Variants in DNM3 observed in about 807,000 individuals in gnomAD.
DNM3 encodes the protein dynamin 3.
A neutral mutation model predicts 101.6 loss-of-function variants in DNM3; 47 were observed. The ratio of observed to expected loss-of-function variants is 0.46; its 90% CI spans 0.37 to 0.59. The LOEUF (loss-of-function observed/expected upper bound fraction) is 0.59. DNM3 is among the 20% of genes least tolerant of loss of function. The pLI, the probability that DNM3 is intolerant of heterozygous loss-of-function variation, is 0.00. For synonymous variants in DNM3, 385 were observed against 387.9 expected, an observed-to-expected ratio of 0.99 and a Z score of 0.09; for missense variants, 849 against 1,085.7, an observed-to-expected ratio of 0.78 and a Z score of 3.06.
chr1:172,359,824 C>T (rs1201179981), intron 17 of DNM3, among the ~76,000 whole-genome samples: 1 of 151,920 alleles, frequency 6.6e-6, no homozygotes, highest in African/African-American at 2.4e-5. Context: ...TCCCTGAGCT[C>T]ATTTATTTGC....
At chr1:172,072,021 A>G (rs766127838) in intron 11 of DNM3, among the ~76,000 whole-genome samples, 9 of 152,052 alleles carry the variant, frequency 5.9e-5, no homozygotes, top group East Asian at 1.9e-4. Flanking sequence ...TTTTTTTCCT[A>G]TACTACAGTC....
intron 1 of DNM3, among the ~76,000 whole-genome samples, chr1:171,874,581 A>G (rs1424212120): frequency 6.6e-6 from 1 of 152,176 alleles, no homozygotes; most frequent in African/African-American, 2.4e-5. Flanking sequence ...AGTTCATTAC[A>G]TGGCAAATGC....
chr1:172,386,889 C>T (rs1185321081), intron 18 of DNM3: 1 of 449,272 alleles, frequency 2.2e-6, no homozygotes, highest in African/African-American at 2.0e-5. Flanking sequence ...TGGCCTTCTT[C>T]TACTCATCTC....
chr1:172,394,592 GCT>G (rs1172704724), intron 20 of DNM3, among the ~76,000 whole-genome samples: 3 of 152,154 alleles, frequency 2.0e-5, no homozygotes, highest in African/African-American at 4.8e-5. Context: ...ATAGCAAATA[GCT>G]CTGTCATTGT....
intron 2 of DNM3, among the ~76,000 whole-genome samples, chr1:171,925,052 A>G (rs575017040): frequency 3.1e-4 from 47 of 151,348 alleles, no homozygotes; most frequent in African/African-American, 1.1e-3. Context: ...GGTGCCCACC[A>G]CCACGCCCGG....
intron 1 of DNM3, among the ~76,000 whole-genome samples, chr1:171,853,621 CT>C (rs1237210859): frequency 6.6e-6 from 1 of 152,088 alleles, no homozygotes; most frequent in African/African-American, 2.4e-5. Flanking sequence ...TCTAACACAT[CT>C]TGTAATTTCT....
intron 13 of DNM3, among the ~76,000 whole-genome samples, chr1:172,094,717 T>G (rs1224760872): frequency 6.6e-6 from 1 of 152,188 alleles, no homozygotes; most frequent in Non-Finnish European, 1.5e-5. Flanking sequence ...TTCAAACTCT[T>G]GGGAGAAAAA....
intron 2 of DNM3, among the ~76,000 whole-genome samples, chr1:171,977,784 T>A (rs956828499): frequency 6.6e-6 from 1 of 152,244 alleles, no homozygotes; most frequent in African/African-American, 2.4e-5. Context: ...TAAGGTTGCA[T>A]CTGCCCAAGG....
At chr1:172,321,638 C>T (rs1260390409) in intron 16 of DNM3, among the ~76,000 whole-genome samples, 1 of 152,166 alleles carries the variant, frequency 6.6e-6, no homozygotes, top group Non-Finnish European at 1.5e-5. Flanking sequence ...TACCCTGTGA[C>T]ATCATTGTTG....
intron 17 of DNM3, among the ~76,000 whole-genome samples, chr1:172,327,764 A>G (rs2065999700): frequency 6.6e-6 from 1 of 152,044 alleles, no homozygotes; most frequent in African/African-American, 2.4e-5. Context: ...TTTATGCATA[A>G]CCCAATAAGG....
chr1:171,859,375 A>T (rs1268882679), intron 1 of DNM3, among the ~76,000 whole-genome samples: 1 of 152,100 alleles, frequency 6.6e-6, no homozygotes, highest in East Asian at 1.9e-4. Context: ...TACTTACCAC[A>T]TTGTGTTAAA....
intron 11 of DNM3, among the ~76,000 whole-genome samples, chr1:172,069,138 A>T (rs1000133689): frequency 2.0e-5 from 3 of 152,244 alleles, no homozygotes; most frequent in African/African-American, 7.2e-5. Context: ...GAAGAATGAG[A>T]TGCAAAAGCA....
chr1:172,397,764 T>A, intron 20 of DNM3, among the ~76,000 whole-genome samples: 1 of 151,788 alleles, frequency 6.6e-6, no homozygotes, highest in East Asian at 1.9e-4. Flanking sequence ...TTTTTTTTCC[T>A]GGTATTTTCC....
chr1:172,024,159 T>C (rs1277084601), intron 4 of DNM3, among the ~76,000 whole-genome samples: 1 of 151,696 alleles, frequency 6.6e-6, no homozygotes, highest in Non-Finnish European at 1.5e-5. Context: ...TTTTTGGCTT[T>C]TCCTTCTTTC....
At chr1:171,956,341 T>A (rs942683998) in intron 2 of DNM3, among the ~76,000 whole-genome samples, 1 of 152,150 alleles carries the variant, frequency 6.6e-6, no homozygotes, top group African/African-American at 2.4e-5. Flanking sequence ...ATGGGAGAAA[T>A]TGACCAAAAC....
intron 16 of DNM3, among the ~76,000 whole-genome samples, chr1:172,312,755 G>A (rs889548297): frequency 6.6e-6 from 1 of 152,070 alleles, no homozygotes; most frequent in African/African-American, 2.4e-5. Flanking sequence ...TACTTAATAG[G>A]AATGCTAAGC....
Position 172,411,029 on chromosome 1 carries a change from TA to T in DNM3, c.*3193del, listed in dbSNP as rs2071174199. 1.0e-6 allele frequency: 1 copy of T among 985,128 alleles called. No individual in the cohort carries two copies. Among genetic ancestry groups the T allele is most frequent in the Non-Finnish European group, 1.2e-6 (1 of 829,812 alleles). The allele number at this position is 985,128 out of a possible 1,614,324, so 61.0% of individuals were successfully genotyped here. A position where few individuals can be genotyped will look rare whatever the true frequency, so the allele number is the denominator to read the frequency against. ...TCCATTTGAGTAGGTAGGTAGGTTT[TA>T]AAAATACTAGTTAAAATGCCACAAG... On this transcript the variant is annotated 3_prime_UTR_variant, in exon 21 of 21. Transcript: ENST00000627582.
intron 10 of DNM3, among the ~76,000 whole-genome samples, chr1:172,054,252 A>G (rs2050411274): frequency 6.6e-6 from 1 of 152,252 alleles, no homozygotes; most frequent in Non-Finnish European, 1.5e-5. Context: ...ACAACAAAAC[A>G]CAAAGCTAGA....
At chr1:171,929,285 T>A (rs529731172) in intron 2 of DNM3, among the ~76,000 whole-genome samples, 1 of 150,996 alleles carries the variant, frequency 6.6e-6, no homozygotes, top group South Asian at 2.1e-4. Context: ...AGAACACCAG[T>A]GGGGATAGCT....
Sources: allele counts gnomAD v4.1 joint callset (sites outside exome capture counted in the v4.1 genomes callset), GRCh38; gene constraint gnomAD v4.1.1; transcripts MANE v1.5; gene names NCBI Gene and HGNC (gene_info 2026-07-23, HGNC 2026-07-21).